Variants in ADAM22 observed in about 807,000 individuals in gnomAD.
ADAM22 encodes ADAM metallopeptidase domain 22, also known as disintegrin and metalloproteinase domain-containing protein 22.
In ADAM22, 65 loss-of-function variants were observed where a neutral mutation model predicts 144.6. The ratio of observed to expected loss-of-function variants is 0.45; its 90% CI spans 0.37 to 0.55. The LOEUF (loss-of-function observed/expected upper bound fraction) is 0.55, where lower values mean the gene tolerates loss of function less well. ADAM22 is among the 20% of genes least tolerant of loss of function. The probability of loss-of-function intolerance (pLI) is 0.00; values close to 1 mark genes in which losing one functional copy is unlikely to be tolerated. For missense variants in ADAM22, 974 were observed against 1,184.9 expected (o/e 0.82, Z 2.61); for synonymous variants, 391 against 412.6 (o/e 0.95, Z 0.63).
At chr7:88,176,904 A>T (rs376291647) in intron 26 of ADAM22, among the ~76,000 whole-genome samples, 206 of 152,316 alleles carry the variant, frequency 1.4e-3, no homozygotes, top group African/African-American at 4.8e-3. Flanking sequence ...AGCTGGGATT[A>T]CAGGTGTGTG....
At chr7:88,184,235 C>T (rs553574936) in intron 29 of ADAM22, 2 of 263,692 alleles carry the variant, frequency 7.6e-6, no homozygotes, top group East Asian at 1.5e-4. Flanking sequence ...CATTGTTGTA[C>T]ATGATGTAAA....
chr7:88,089,097 C>T (rs1465483636), intron 4 of ADAM22, among the ~76,000 whole-genome samples: 1 of 151,940 alleles, frequency 6.6e-6, no homozygotes, highest in South Asian at 2.1e-4. Context: ...AGCTATTAAA[C>T]TGTCAAAGTG....
At position 88,145,625 on chromosome 7, in the gene ADAM22, A is replaced by G. The variant is rs1030551238; in HGVS notation, c.1485+118A>G. ...GTATCTAACATATATTAAATGAGTA[A>G]GTGCCAGGTGCTTTATAGGATCTTC... On this transcript the variant is annotated intron_variant, in intron 17 of 31. Transcript: ENST00000413139. 49 of 754,534 alleles carry G rather than the reference A, an allele frequency of 6.5e-5. No homozygotes were observed. The South Asian group carries it at 7.6e-4, about 12-fold the overall frequency. The allele number at this position is 754,534 out of a possible 1,614,324, so 46.7% of individuals were successfully genotyped here.
intron 2 of ADAM22, among the ~76,000 whole-genome samples, chr7:87,935,423 C>T (rs139779447): frequency 8.2e-4 from 125 of 152,304 alleles, no homozygotes; most frequent in African/African-American, 2.8e-3. Flanking sequence ...GGGGTGCCTT[C>T]AGCAGTGCGG....
At chr7:87,977,511 A>G (rs993213593) in intron 2 of ADAM22, among the ~76,000 whole-genome samples, 2 of 152,234 alleles carry the variant, frequency 1.3e-5, no homozygotes, top group African/African-American at 4.8e-5. Context: ...AGAAACATAA[A>G]CACGAAAAAT....
intron 18 of ADAM22, among the ~76,000 whole-genome samples, chr7:88,149,617 A>G (rs1837726987): frequency 6.6e-6 from 1 of 152,328 alleles, no homozygotes; most frequent in South Asian, 2.1e-4. Flanking sequence ...TTTGAAGGGT[A>G]GTGCCAAACC....
intron 27 of ADAM22, 67 bp downstream of exon 27, chr7:88,179,196 A>G (rs970489055): frequency 1.4e-5 from 9 of 642,532 alleles, no homozygotes; most frequent in Non-Finnish European, 2.4e-5. Context: ...TGATTACTCT[A>G]CTTCAAAATG....
At chr7:88,044,507 C>T (rs796921710) in intron 3 of ADAM22, among the ~76,000 whole-genome samples, 2 of 152,206 alleles carry the variant, frequency 1.3e-5, no homozygotes, top group African/African-American at 4.8e-5. Flanking sequence ...AGTGCAGTGG[C>T]GCGGTCTCGG....
intron 22 of ADAM22, among the ~76,000 whole-genome samples, chr7:88,156,248 T>A (rs1839928591): frequency 6.6e-6 from 1 of 152,150 alleles, no homozygotes; most frequent in African/African-American, 2.4e-5. Context: ...CTTATAGAGT[T>A]TGGTTTCCAA....
chr7:87,939,059 G>A (rs753865426), intron 2 of ADAM22, among the ~76,000 whole-genome samples: 6 of 152,216 alleles, frequency 3.9e-5, no homozygotes, highest in Admixed American at 2.0e-4. Context: ...TTAAAGACGT[G>A]GAAGATGAGT....
At chr7:88,078,233 G>A (rs1196206074) in intron 4 of ADAM22, among the ~76,000 whole-genome samples, 1 of 152,188 alleles carries the variant, frequency 6.6e-6, no homozygotes, top group Admixed American at 6.5e-5. Flanking sequence ...TGATACCCAG[G>A]CAAACAGGGT....
At chr7:87,990,234 G>C (rs531377459) in intron 3 of ADAM22, among the ~76,000 whole-genome samples, 4 of 152,206 alleles carry the variant, frequency 2.6e-5, no homozygotes, top group Non-Finnish European at 5.9e-5. Flanking sequence ...GAGCATAAAA[G>C]AGGTATGGCC....
At chr7:88,151,180 C>A in intron 19 of ADAM22, 77 bp from the exon 20 acceptor site, 2 of 1,576,668 alleles carry the variant, frequency 1.3e-6, no homozygotes, top group Non-Finnish European at 1.7e-6. Context: ...TTATTTTTCC[C>A]AATCATAGTT....
At chr7:88,075,001 C>T (rs1003362290) in intron 3 of ADAM22, among the ~76,000 whole-genome samples, 6 of 152,084 alleles carry the variant, frequency 3.9e-5, no homozygotes, top group Admixed American at 6.5e-5. Context: ...AAATATTTTA[C>T]GGAAGTTGTG....
chr7:88,159,409 G>C (rs1394538305), intron 22 of ADAM22, among the ~76,000 whole-genome samples: 1 of 152,034 alleles, frequency 6.6e-6, no homozygotes, highest in Non-Finnish European at 1.5e-5. Context: ...CATTCTATGA[G>C]GCCAGTATCA....
intron 2 of ADAM22, among the ~76,000 whole-genome samples, chr7:87,943,998 G>A (rs935118954): frequency 2.0e-5 from 3 of 152,106 alleles, no homozygotes; most frequent in Non-Finnish European, 4.4e-5. Context: ...GGCCTTGAGA[G>A]CTCACATTTT....
At chr7:88,053,266 G>A (rs1244971982) in intron 3 of ADAM22, among the ~76,000 whole-genome samples, 1 of 151,622 alleles carries the variant, frequency 6.6e-6, no homozygotes, top group Non-Finnish European at 1.5e-5. Context: ...AAGAGTTGGA[G>A]ACCAGCTTGG....
chr7:88,079,716 A>G (rs976058338), intron 4 of ADAM22, among the ~76,000 whole-genome samples: 2 of 152,234 alleles, frequency 1.3e-5, no homozygotes, highest in African/African-American at 2.4e-5. Flanking sequence ...GATAAAACAG[A>G]GTTTAAACCA....
chr7:88,180,099 C>T (rs1276044312), intron 27 of ADAM22, among the ~76,000 whole-genome samples: 1 of 151,936 alleles, frequency 6.6e-6, no homozygotes, highest in Non-Finnish European at 1.5e-5. Context: ...ATTAGTGAGA[C>T]CTGGGAACTC....
Sources: allele counts gnomAD v4.1 joint callset (sites outside exome capture counted in the v4.1 genomes callset), GRCh38; gene constraint gnomAD v4.1.1; transcripts MANE v1.5; gene names NCBI Gene and HGNC (gene_info 2026-07-23, HGNC 2026-07-21).